The following CRIM1 variants were observed in gnomAD, a reference collection of about 807,000 sequenced individuals.
CRIM1 encodes cysteine rich transmembrane BMP regulator 1, also known as cysteine-rich motor neuron 1 protein.
A neutral mutation model predicts 116.4 loss-of-function variants in CRIM1; 32 were observed. That is an observed-to-expected ratio of 0.27 (90% confidence interval 0.21 to 0.37). The LOEUF (loss-of-function observed/expected upper bound fraction) is 0.37. Among genes scored for constraint, CRIM1 ranks in the 10% least tolerant of loss-of-function variants. The probability of loss-of-function intolerance (pLI) is 1.00; values close to 1 mark genes in which losing one functional copy is unlikely to be tolerated. For synonymous variants in CRIM1, 590 were observed against 509.2 expected (o/e 1.16, Z -2.13); for missense variants, 1,331 against 1,354.8 (o/e 0.98, Z 0.28).
chr2:36,360,691 G>T (rs1399752756), intron 1 of CRIM1, among the ~76,000 whole-genome samples: 1 of 152,120 alleles, frequency 6.6e-6, no homozygotes, highest in East Asian at 1.9e-4. Flanking sequence ...CCAGAAAGCA[G>T]GCTGCAGGAG....
chr2:36,449,324 T>C (rs1676504552), intron 4 of CRIM1, among the ~76,000 whole-genome samples: 1 of 152,186 alleles, frequency 6.6e-6, no homozygotes, highest in African/African-American at 2.4e-5. Context: ...CACTTACCAC[T>C]GAGCTGCACT....
intron 9 of CRIM1, among the ~76,000 whole-genome samples, chr2:36,511,621 A>T (rs1664689310): frequency 6.6e-6 from 1 of 152,190 alleles, no homozygotes; most frequent in Admixed American, 6.5e-5. Context: ...GAGATTGTAG[A>T]TTTCACTTTG....
intron 11 of CRIM1, among the ~76,000 whole-genome samples, chr2:36,515,821 T>C (rs77318940): frequency 0.023 from 3,518 of 152,344 alleles, 67 homozygotes; most frequent in Non-Finnish European, 0.034. Flanking sequence ...AACAAGGCAG[T>C]AATTGTCAGT....
chr2:36,463,199 A>G (rs77055565), intron 4 of CRIM1, among the ~76,000 whole-genome samples: 6,323 of 152,284 alleles, frequency 0.042, 233 homozygotes, highest in African/African-American at 0.094. Context: ...GATGCAAATC[A>G]TAACCTAAAG....
intron 6 of CRIM1, among the ~76,000 whole-genome samples, chr2:36,478,281 A>T (rs2125043497): frequency 6.6e-6 from 1 of 152,352 alleles, no homozygotes; most frequent in African/African-American, 2.4e-5. Flanking sequence ...GACAATTAAA[A>T]AGAATTACTT....
chr2:36,512,948 G>C (rs1664790122), intron 10 of CRIM1, among the ~76,000 whole-genome samples: 1 of 152,148 alleles, frequency 6.6e-6, no homozygotes, highest in Admixed American at 6.5e-5. Context: ...CATGCACCCT[G>C]ACCGCCGTTT....
At chr2:36,512,217 G>C (rs1664733597) in intron 9 of CRIM1, 56 bp from the exon 10 acceptor site, 5 of 1,589,882 alleles carry the variant, frequency 3.1e-6, no homozygotes, top group Non-Finnish European at 4.3e-6. Context: ...TGAGTGCTTG[G>C]GCATCATTTG....
At chr2:36,367,223 A>G (rs950018153) in intron 1 of CRIM1, among the ~76,000 whole-genome samples, 2 of 152,242 alleles carry the variant, frequency 1.3e-5, no homozygotes, top group Non-Finnish European at 2.9e-5. Flanking sequence ...GCAGATTTTA[A>G]GAAAACTTAT....
intron 1 of CRIM1, among the ~76,000 whole-genome samples, chr2:36,360,812 T>C (rs1226244103): frequency 6.6e-6 from 1 of 152,148 alleles, no homozygotes; most frequent in Admixed American, 6.5e-5. Context: ...ATTCACTCAT[T>C]AAGTAACGGG....
Position 36,487,824 on chromosome 2 carries a change from A to G in CRIM1, c.1372+8130A>G, listed in dbSNP as rs138612677. On this transcript the variant is annotated intron_variant, in intron 7 of 16. Coordinates refer to ENST00000280527, the MANE Select transcript of CRIM1 (RefSeq NM_016441.3). Reference sequence around the variant, plus strand: ...TAAAAAAAATCAATTCACCTACTACATAGTATTTTTATGACTTCTAGGGAT... The same window carrying G: ...TAAAAAAAATCAATTCACCTACTACGTAGTATTTTTATGACTTCTAGGGAT... 1.4e-4 allele frequency among the ~76,000 whole-genome samples: 21 copies of G among 152,294 alleles called. No homozygotes were observed. In the East Asian group the frequency reaches 2.3e-3, roughly 17 times the overall value.
intron 7 of CRIM1, among the ~76,000 whole-genome samples, chr2:36,492,107 T>C (rs897938475): frequency 6.6e-6 from 1 of 152,214 alleles, no homozygotes; most frequent in Non-Finnish European, 1.5e-5. Flanking sequence ...AAAATATTAA[T>C]ATGTCTAACA....
intron 13 of CRIM1, chr2:36,529,486 C>G (rs1324936493): frequency 4.7e-6 from 1 of 211,212 alleles, no homozygotes; most frequent in Non-Finnish European, 9.8e-6. Flanking sequence ...TTTAAAATGA[C>G]ATTTTTATAT....
chr2:36,382,165 A>G (rs947736872), intron 1 of CRIM1, among the ~76,000 whole-genome samples: 3 of 152,174 alleles, frequency 2.0e-5, no homozygotes, highest in African/African-American at 7.2e-5. Context: ...AGGGCCTGGA[A>G]CCGCCTCAGT....
intron 2 of CRIM1, among the ~76,000 whole-genome samples, chr2:36,421,074 AGT>A (rs1352396635): frequency 6.6e-6 from 1 of 152,246 alleles, no homozygotes; most frequent in Non-Finnish European, 1.5e-5. Context: ...GTTTTCATAC[AGT>A]CTTTTGATCC....
chr2:36,504,775 AATAT>A, intron 8 of CRIM1, among the ~76,000 whole-genome samples: 1 of 152,354 alleles, frequency 6.6e-6, no homozygotes, highest in East Asian at 1.9e-4. Flanking sequence ...TAATAGACGT[AATAT>A]ACCTGCTTAC....
At chr2:36,419,061 A>G (rs773041392) in intron 2 of CRIM1, among the ~76,000 whole-genome samples, 4 of 152,188 alleles carry the variant, frequency 2.6e-5, no homozygotes, top group Admixed American at 1.3e-4. Context: ...TGTAATAAAT[A>G]TAAGTGGAAT....
intron 12 of CRIM1, among the ~76,000 whole-genome samples, chr2:36,520,329 T>A (rs1331195007): frequency 6.6e-6 from 1 of 152,224 alleles, no homozygotes; most frequent in African/African-American, 2.4e-5. Context: ...AATGCTTGCA[T>A]GAGCTAAGTT....
chr2:36,409,280 C>T (rs1240103283), intron 2 of CRIM1, among the ~76,000 whole-genome samples: 2 of 152,162 alleles, frequency 1.3e-5, no homozygotes, highest in African/African-American at 4.8e-5. Flanking sequence ...TCATCTTTCT[C>T]TCGTTTCCAC....
intron 4 of CRIM1, among the ~76,000 whole-genome samples, chr2:36,463,380 G>A (rs1490811060): frequency 6.6e-6 from 1 of 152,194 alleles, no homozygotes; most frequent in Non-Finnish European, 1.5e-5. Context: ...CACAATTAAT[G>A]AATGTATTGA....
Sources: allele counts gnomAD v4.1 joint callset (sites outside exome capture counted in the v4.1 genomes callset), GRCh38; gene constraint gnomAD v4.1.1; transcripts MANE v1.5; gene names NCBI Gene and HGNC (gene_info 2026-07-23, HGNC 2026-07-21).